The following MAL2 variants were observed in gnomAD, a reference collection of about 807,000 sequenced individuals.
MAL2 encodes mal, T cell differentiation protein 2.
A neutral mutation model predicts 18.1 loss-of-function variants in MAL2; 17 were observed. The ratio of observed to expected loss-of-function variants is 0.94; its 90% CI spans 0.64 to 1.41. MAL2 has a LOEUF of 1.41. MAL2 is among the 40% of genes most tolerant of loss of function. MAL2 has a pLI of 0.00. For missense variants in MAL2, 222 were observed against 231.9 expected (o/e 0.96, Z 0.28); for synonymous variants, 102 against 102.3 (o/e 1.00, Z 0.02).
chr8:119,221,478 G>A, intron 1 of MAL2, 109 bp from the exon 2 acceptor site: 2 of 1,337,664 alleles, frequency 1.5e-6, no homozygotes, highest in Non-Finnish European at 2.1e-6. Flanking sequence ...TATGTGCAGG[G>A]GTCTGGGAGG....
chr8:119,215,348 C>T (rs553285993), intron 1 of MAL2: 1 of 152,316 alleles, frequency 6.6e-6, no homozygotes, highest in East Asian at 1.9e-4. Context: ...CCAAGCTGCA[C>T]TCCTAGAGCA....
chr8:119,230,466 AT>A (rs1390468622), intron 2 of MAL2, among the ~76,000 whole-genome samples: 2 of 152,106 alleles, frequency 1.3e-5, no homozygotes, highest in African/African-American at 4.8e-5. Flanking sequence ...GCAAGCAGTA[AT>A]TGCTTGTGGG....
rs1817277693 is a variant in MAL2, at chr8:119,212,206, A to G, written c.132+3602A>G. On this transcript the variant is annotated intron_variant, in intron 1 of 3. Coordinates refer to ENST00000614891, the MANE Select transcript of MAL2 (RefSeq NM_052886.3). Reference sequence around the variant, plus strand: ...TAGGATCCCTGCTCTCAATGAGCTTATCTTGTAAAATGCACAAGAAAAATT... The same window carrying G: ...TAGGATCCCTGCTCTCAATGAGCTTGTCTTGTAAAATGCACAAGAAAAATT... 1.3e-5 allele frequency among the ~76,000 whole-genome samples: 2 copies of G among 152,248 alleles called. 1 individual carries two copies. Among genetic ancestry groups the G allele is most frequent in the South Asian group, 4.1e-4 (2 of 4,838 alleles).
intron 2 of MAL2, among the ~76,000 whole-genome samples, chr8:119,226,691 C>T (rs1817602714): frequency 1.3e-5 from 2 of 152,088 alleles, no homozygotes; most frequent in Admixed American, 6.6e-5. Context: ...AAGTGGAGGC[C>T]AGGGGCCTAG....
chr8:119,229,199 C>A (rs1817656732), intron 2 of MAL2, among the ~76,000 whole-genome samples: 1 of 152,146 alleles, frequency 6.6e-6, no homozygotes, highest in African/African-American at 2.4e-5. Flanking sequence ...ATGCCTAATC[C>A]CGTATCCCTT....
intron 1 of MAL2, among the ~76,000 whole-genome samples, chr8:119,219,861 G>T (rs1817435088): frequency 6.6e-6 from 1 of 152,120 alleles, no homozygotes; most frequent in African/African-American, 2.4e-5. Flanking sequence ...AACTGAGCAG[G>T]GGTGGATCTC....
At chr8:119,221,897 G>A in intron 2 of MAL2, 140 bp downstream of exon 2, 1 of 898,046 alleles carries the variant, frequency 1.1e-6, no homozygotes, top group Non-Finnish European at 1.6e-6. Context: ...CTGTGGTGCT[G>A]CGGTGGTGTG....
chr8:119,216,292 A>G (rs1243528640), intron 1 of MAL2, among the ~76,000 whole-genome samples: 2 of 152,182 alleles, frequency 1.3e-5, no homozygotes, highest in South Asian at 2.1e-4. Context: ...ACACTAAACC[A>G]TGAGAGGGGC....
intron 2 of MAL2, among the ~76,000 whole-genome samples, chr8:119,227,507 A>G (rs1817620441): frequency 6.6e-6 from 1 of 152,188 alleles, no homozygotes; most frequent in Admixed American, 6.5e-5. Context: ...TAGTACCTCC[A>G]CTGTGCTGTC....
intron 1 of MAL2, among the ~76,000 whole-genome samples, chr8:119,215,853 C>T (rs1317836245): frequency 3.3e-5 from 5 of 152,042 alleles, no homozygotes; most frequent in African/African-American, 7.3e-5. Context: ...GATCTACAGT[C>T]GCATTGTGAA....
At chr8:119,231,834 A>G (rs1212911068) in intron 2 of MAL2, among the ~76,000 whole-genome samples, 1 of 152,090 alleles carries the variant, frequency 6.6e-6, no homozygotes, top group Non-Finnish European at 1.5e-5. Context: ...CCAATACCGC[A>G]TGATCTCACT....
intron 3 of MAL2, 149 bp downstream of exon 3, chr8:119,240,469 T>C: frequency 1.2e-6 from 1 of 836,402 alleles, no homozygotes. Context: ...ACAATAACCT[T>C]GTAAGCAAAG....
At chr8:119,236,069 C>A (rs1817881655) in intron 2 of MAL2, among the ~76,000 whole-genome samples, 1 of 39,348 alleles carries the variant, frequency 2.5e-5, no homozygotes, top group African/African-American at 1.1e-4. Context: ...CAGAGACACA[C>A]ATAGGCTCAA....
chr8:119,230,048 C>CCCAAAATAAGCAGTTCT (rs1468535042), intron 2 of MAL2, among the ~76,000 whole-genome samples: 1 of 152,156 alleles, frequency 6.6e-6, no homozygotes, highest in Non-Finnish European at 1.5e-5. Context: ...TGGAACCCAA[C>CCCAAAATAAGCAGTTCT]CCAAAATAAG....
chr8:119,208,804 C>A lies in MAL2; in HGVS notation c.132+200C>A. On this transcript the variant is annotated intron_variant, in intron 1 of 3. Transcript: ENST00000614891. The surrounding 1 kb of genome is among the most constrained non-coding windows in gnomAD (Gnocchi z 4.3). Reference sequence around the variant, plus strand: ...TCCCTCCTAGCACCTGTTACGCGGGCACCTGCTCCCCCGCGGGCGACGGAA... The same window carrying A: ...TCCCTCCTAGCACCTGTTACGCGGGAACCTGCTCCCCCGCGGGCGACGGAA... 3 of 808,964 alleles carry A rather than the reference C, an allele frequency of 3.7e-6. No homozygotes were observed. Among genetic ancestry groups the A allele is most frequent in the Non-Finnish European group, 4.9e-6 (3 of 609,880 alleles). 50.1% of individuals were successfully genotyped at this position (808,964 alleles called of 1,614,324 possible).
chr8:119,232,320 AAACAGTC>A (rs1817750885), intron 2 of MAL2, among the ~76,000 whole-genome samples: 2 of 152,162 alleles, frequency 1.3e-5, no homozygotes, highest in African/African-American at 4.8e-5. Context: ...GTCTGGCTTC[AAACAGTC>A]AACAGTCATT....
chr8:119,221,879 A>T (rs1043845094), intron 2 of MAL2, 122 bp downstream of exon 2: 11 of 1,061,966 alleles, frequency 1.0e-5, no homozygotes, highest in Non-Finnish European at 1.5e-5. Context: ...GTCCAACCAC[A>T]GAGACTGCTG....
chr8:119,216,072 C>G (rs1223649439), intron 1 of MAL2, among the ~76,000 whole-genome samples: 1 of 151,836 alleles, frequency 6.6e-6, no homozygotes, highest in Non-Finnish European at 1.5e-5. Flanking sequence ...CTGTGCAGCA[C>G]CCCATAAGTA....
chr8:119,215,872 T>C (rs1281447941), intron 1 of MAL2, among the ~76,000 whole-genome samples: 2 of 152,198 alleles, frequency 1.3e-5, no homozygotes, highest in African/African-American at 4.8e-5. Flanking sequence ...AATGAATCCA[T>C]ACTTGTGTGG....
Sources: gnomAD v4.1 joint callset for allele counts (sites outside exome capture counted in the v4.1 genomes callset) on GRCh38, gnomAD v4.1.1 for gene constraint, Gnocchi (gnomAD v3.1) non-coding constraint, MANE v1.5 for transcripts, NCBI Gene and HGNC (gene_info 2026-07-23, HGNC 2026-07-21) for gene names.